Variants in MACROD2 observed in about 807,000 individuals in gnomAD.
The protein encoded by MACROD2 is mono-ADP ribosylhydrolase 2, also known as ADP-ribose glycohydrolase MACROD2.
A neutral mutation model predicts 70.4 loss-of-function variants in MACROD2; 36 were observed. That is an observed-to-expected ratio of 0.51 (90% CI 0.39 to 0.68). The LOEUF (loss-of-function observed/expected upper bound fraction) is 0.68, where lower values mean the gene tolerates loss of function less well. Ranked by LOEUF, MACROD2 falls within the 30% of genes least tolerant of loss-of-function variation. MACROD2 has a pLI of 0.00. For synonymous variants in MACROD2, 172 were observed against 178.8 expected, an observed-to-expected ratio of 0.96 and a Z score of 0.30; for missense variants, 496 against 538.4, an observed-to-expected ratio of 0.92 and a Z score of 0.78.
intron 5 of MACROD2, among the ~76,000 whole-genome samples, chr20:14,879,785 A>G (rs891981635): frequency 3.9e-5 from 6 of 152,194 alleles, no homozygotes; most frequent in African/African-American, 1.4e-4. Context: ...TTAAAAGAGC[A>G]TAGTAATCTG....
At chr20:14,069,195 C>T (rs1440943166) in intron 2 of MACROD2, among the ~76,000 whole-genome samples, 1 of 152,228 alleles carries the variant, frequency 6.6e-6, no homozygotes, top group African/African-American at 2.4e-5. Context: ...GATCAGCCTG[C>T]CTCGGCCTCC....
chr20:14,808,563 G>T (rs2072668630), intron 5 of MACROD2, among the ~76,000 whole-genome samples: 1 of 151,996 alleles, frequency 6.6e-6, no homozygotes, highest in East Asian at 1.9e-4. Flanking sequence ...GATAATGACA[G>T]GATCAAATTC....
intron 5 of MACROD2, among the ~76,000 whole-genome samples, chr20:15,070,619 C>A (rs2075611500): frequency 6.6e-6 from 1 of 152,118 alleles, no homozygotes; most frequent in Non-Finnish European, 1.5e-5. Context: ...AAGAGCCTGG[C>A]ACCTCCTCCG....
chr20:15,332,931 G>T (rs1037274142), intron 6 of MACROD2, among the ~76,000 whole-genome samples: 3 of 138,112 alleles, frequency 2.2e-5, no homozygotes, highest in Non-Finnish European at 4.5e-5. Flanking sequence ...GGAGGAAGAG[G>T]AAGCTCAGCT....
At chr20:15,211,682 G>GT (rs1254995573) in intron 5 of MACROD2, among the ~76,000 whole-genome samples, 2 of 151,892 alleles carry the variant, frequency 1.3e-5, no homozygotes, top group African/African-American at 4.8e-5. Flanking sequence ...AGCGTCCTGA[G>GT]TCCCTCACCA....
Position 14,743,415 on chromosome 20 carries a change from A to G in MACROD2, c.418+58456A>G, listed in dbSNP as rs529291151. 9.2e-4 allele frequency among the ~76,000 whole-genome samples: 140 copies of G among 152,160 alleles called. 1 individual carries two copies. The Middle Eastern group carries it at 0.017, about 18-fold the overall frequency. On this transcript the variant is annotated intron_variant, in intron 5 of 17. Transcript: ENST00000684519. ...AAAGCAGAGAACCTTGCTGTGATTT[A>G]ATCAGACAGAGATGTGCCTGAAAAA... is the stretch of plus-strand genomic sequence containing the variant.
chr20:15,838,220 T>C (rs2064134926), intron 8 of MACROD2, among the ~76,000 whole-genome samples: 1 of 152,130 alleles, frequency 6.6e-6, no homozygotes, highest in Non-Finnish European at 1.5e-5. Context: ...ATTTCCTCTC[T>C]AATAAGGAAC....
intron 15 of MACROD2, among the ~76,000 whole-genome samples, chr20:15,990,433 T>C (rs1053899328): frequency 2.0e-5 from 3 of 152,202 alleles, no homozygotes; most frequent in Admixed American, 6.5e-5. Context: ...AAAATTTTCA[T>C]ATATGTTTTA....
intron 5 of MACROD2, among the ~76,000 whole-genome samples, chr20:15,204,816 T>A (rs2076687547): frequency 6.6e-6 from 1 of 152,122 alleles, no homozygotes; most frequent in Non-Finnish European, 1.5e-5. Context: ...AGAGTGACTA[T>A]CCTAAGGCTA....
chr20:14,266,688 C>T (rs2082147355), intron 3 of MACROD2, among the ~76,000 whole-genome samples: 1 of 152,028 alleles, frequency 6.6e-6, no homozygotes, highest in African/African-American at 2.4e-5. Context: ...TTTCTGTTGT[C>T]TCTAGCACAA....
intron 5 of MACROD2, among the ~76,000 whole-genome samples, chr20:15,032,991 A>G (rs2075286919): frequency 6.6e-6 from 1 of 152,252 alleles, no homozygotes; most frequent in Non-Finnish European, 1.5e-5. Flanking sequence ...ATGTTGTATG[A>G]TTCCACTTAT....
chr20:14,326,274 A>C lies in MACROD2; in HGVS notation c.272-167205A>C, dbSNP rs761487916. Reference sequence around the variant, plus strand: ...AGGTGACAGACTTCACAGTAATTGTAATTGTTTTTCTTGAGGGACTCCCTG... The same window carrying C: ...AGGTGACAGACTTCACAGTAATTGTCATTGTTTTTCTTGAGGGACTCCCTG... On this transcript the variant is annotated intron_variant, in intron 3 of 17. Coordinates refer to ENST00000684519, the MANE Select transcript of MACROD2 (RefSeq NM_001351661.2). The surrounding 1 kb of genome is among the most constrained non-coding windows in gnomAD (Gnocchi z 5.5). 1 of 1,613,906 alleles carries C rather than the reference A, an allele frequency of 6.2e-7. No individual in the cohort carries two copies. The highest frequency in any genetic ancestry group is 8.5e-7 in the Non-Finnish European group (1 of 1,179,856).
intron 7 of MACROD2, among the ~76,000 whole-genome samples, chr20:15,447,829 G>A (rs951547580): frequency 6.6e-6 from 1 of 152,094 alleles, no homozygotes; most frequent in Non-Finnish European, 1.5e-5. Flanking sequence ...GAAATCTAAT[G>A]GGGGAGTGAC....
chr20:14,320,574 A>G (rs954124505), intron 3 of MACROD2, among the ~76,000 whole-genome samples: 2 of 151,778 alleles, frequency 1.3e-5, no homozygotes, highest in African/African-American at 4.8e-5. Flanking sequence ...TACCTCCTTC[A>G]TGGACCCTGT....
At chr20:14,524,614 A>G (rs2085208498) in intron 4 of MACROD2, among the ~76,000 whole-genome samples, 1 of 152,178 alleles carries the variant, frequency 6.6e-6, no homozygotes, top group Non-Finnish European at 1.5e-5. Context: ...CCACTTACGT[A>G]TACATCACAC....
At chr20:14,762,899 C>G (rs2072035757) in intron 5 of MACROD2, among the ~76,000 whole-genome samples, 1 of 152,102 alleles carries the variant, frequency 6.6e-6, no homozygotes, top group East Asian at 1.9e-4. Context: ...CACTGCACTC[C>G]AGCATGGGAG....
Position 14,422,970 on chromosome 20 carries a change from A to C in MACROD2, c.272-70509A>C, listed in dbSNP as rs144701073. On this transcript the variant is annotated intron_variant, in intron 3 of 17. Coordinates refer to ENST00000684519, the MANE Select transcript of MACROD2 (RefSeq NM_001351661.2). The stretch of plus-strand genomic sequence containing the variant: ...TGGTCTAGTGGTAAAAAACAGCCTT[A>C]GCTTTTATCAGCCCCGCCCACACTT... 5.0e-4 allele frequency among the ~76,000 whole-genome samples: 76 copies of C among 152,326 alleles called. 3 individuals carry two copies. In the East Asian group the frequency reaches 0.014, roughly 28 times the overall value.
At chr20:15,644,910 G>A (rs1048590578) in intron 8 of MACROD2, among the ~76,000 whole-genome samples, 4 of 152,074 alleles carry the variant, frequency 2.6e-5, no homozygotes, top group Admixed American at 6.5e-5. Context: ...GGCTGGTCTC[G>A]AACCCCTGAC....
chr20:14,629,575 T>C (rs1777549118), intron 4 of MACROD2, among the ~76,000 whole-genome samples: 1 of 152,202 alleles, frequency 6.6e-6, no homozygotes, highest in African/African-American at 2.4e-5. Flanking sequence ...GTGTAGAGTA[T>C]TTCAGTTGCA....
Sources: allele counts gnomAD v4.1 joint callset (sites outside exome capture counted in the v4.1 genomes callset), GRCh38; gene constraint gnomAD v4.1.1; non-coding constraint Gnocchi (gnomAD v3.1); transcripts MANE v1.5; gene names NCBI Gene and HGNC (gene_info 2026-07-23, HGNC 2026-07-21).